Variants in PLAGL1 observed in about 807,000 individuals in gnomAD.
PLAGL1 encodes the protein PLAG1 like zinc finger 1.
In PLAGL1, 1 loss-of-function variant was observed where a neutral mutation model predicts 4.6. That is an observed-to-expected ratio of 0.22 (90% CI 0.08 to 1.03). The LOEUF (loss-of-function observed/expected upper bound fraction) is 1.03, where lower values mean the gene tolerates loss of function less well. PLAGL1 is among the 50% of genes least tolerant of loss of function. PLAGL1 has a pLI of 0.58. For missense variants in PLAGL1, 464 were observed against 570.4 expected (o/e 0.81, Z 1.90); for synonymous variants, 240 against 237.8 (o/e 1.01, Z -0.08).
Position 143,968,999 on chromosome 6 carries a change from A to G in PLAGL1, c.-543-21T>C, listed in dbSNP as rs1022779676. The G allele has an allele frequency of 1.7e-4, 26 of 149,608 alleles. No homozygotes were observed. Among genetic ancestry groups the G allele is most frequent in the African/African-American group, 6.4e-4 (25 of 38,966 alleles). The allele number at this position is 149,608 out of a possible 1,614,324, so 9.3% of individuals were successfully genotyped here. A position where few individuals can be genotyped will look rare whatever the true frequency, so the allele number is the denominator to read the frequency against. ...CAATCCTAAAGGAAAAACAATATCA[A>G]AAGTTTAAAAAAAAAAAAAGCATCA... is the stretch of plus-strand genomic sequence containing the variant. On this transcript the variant is annotated intron_variant, in intron 2 of 7. Coordinates refer to ENST00000674357, the MANE Select transcript of PLAGL1 (RefSeq NM_001317162.2). The surrounding 1 kb of genome is among the most constrained non-coding windows in gnomAD (Gnocchi z 6.3).
chr6:143,941,669 G>T lies in PLAGL1; in HGVS notation c.1147C>A (p.Leu383Met), dbSNP rs764612601. The T allele has an allele frequency of 4.3e-6, 7 of 1,614,082 alleles. No homozygotes were observed. The highest frequency in any genetic ancestry group is 5.9e-6 in the Non-Finnish European group (7 of 1,180,012). ...TIPASLDLSP[L>M]LGFWQLPPPA... The stretch of plus-strand genomic sequence containing the variant: ...GGGGGCAGCTGCCAGAAGCCCAACA[G>T]GGGGGACAGGTCCAGAGAGGCAGGT... The change falls in exon 8 of 8, where the codon CTG becomes ATG. Residue 383 changes from leucine to methionine, a missense_variant. Transcript: ENST00000674357. The surrounding 1 kb of genome is among the most constrained non-coding windows in gnomAD (Gnocchi z 6.0).
chr6:144,003,734 T>C (rs1374562189), intron 1 of PLAGL1, among the ~76,000 whole-genome samples: 2 of 152,016 alleles, frequency 1.3e-5, no homozygotes, highest in Non-Finnish European at 2.9e-5. Context: ...CTAAAAATCA[T>C]TAACAAAAAG....
intron 1 of PLAGL1, among the ~76,000 whole-genome samples, chr6:144,021,141 G>C (rs1270436276): frequency 2.0e-5 from 3 of 151,914 alleles, no homozygotes; most frequent in African/African-American, 7.3e-5. Flanking sequence ...GCATAATGTA[G>C]AGCACAGAAA....
intron 1 of PLAGL1, among the ~76,000 whole-genome samples, chr6:144,058,951 G>T (rs2128730589): frequency 6.6e-6 from 1 of 152,308 alleles, no homozygotes; most frequent in East Asian, 1.9e-4. Context: ...GGTCTGGAGG[G>T]TGGTGGCCCC....
intron 3 of PLAGL1, chr6:143,967,109 GT>G (rs1784557226): frequency 6.6e-6 from 1 of 152,190 alleles, no homozygotes; most frequent in Non-Finnish European, 1.5e-5. Flanking sequence ...ATGGGTCTAA[GT>G]TCGAATGCTG....
At position 144,015,839 on chromosome 6, in the gene PLAGL1, A is replaced by G. The variant is rs527422360; in HGVS notation, c.-150-46861T>C. ...GTTTGAAAGTTTCTTATAAAGTTAA[A>G]CATACTCTTATTATATGACCCAGCA... On this transcript the variant is annotated intron_variant, in intron 1 of 3. Coordinates refer to the PLAGL1 transcript ENST00000437412. The surrounding 1 kb of genome is among the most constrained non-coding windows in gnomAD (Gnocchi z 4.3). Among the ~76,000 whole-genome samples the G allele has an allele frequency of 6.6e-6, 1 of 152,346 alleles. No homozygotes were observed. Among genetic ancestry groups the G allele is most frequent in the South Asian group, 2.1e-4 (1 of 4,832 alleles).
At position 143,973,852 on chromosome 6, in the gene PLAGL1, C is replaced by A. The variant is rs138015930; in HGVS notation, c.-543-4874G>T. Among the ~76,000 whole-genome samples, 1 of 152,116 alleles carries A rather than the reference C, an allele frequency of 6.6e-6. No individual in the cohort carries two copies. Among genetic ancestry groups the A allele is most frequent in the Non-Finnish European group, 1.5e-5 (1 of 68,032 alleles). ...CCAGAGCTGCAGTTTCTAGGGTTAC[C>A]CTAAGGGGTGATCTCCAGAGAAAGC... On this transcript the variant is annotated intron_variant, in intron 2 of 7. Transcript: ENST00000674357. The surrounding 1 kb of genome is among the most constrained non-coding windows in gnomAD (Gnocchi z 6.2).
upstream of PLAGL1, among the ~76,000 whole-genome samples, chr6:144,011,372 G>A (rs569977301): frequency 6.6e-6 from 1 of 152,312 alleles, no homozygotes; most frequent in African/African-American, 2.4e-5. This position sits in a 1 kb window ranked among gnomAD's most constrained non-coding sequence, Gnocchi z 4.3. Context: ...CTGGTCATTA[G>A]AGAAATGCTT....
rs1485588823 is a variant in PLAGL1, at chr6:143,963,519, T to A, written c.-399+1268A>T. 6.6e-6 allele frequency among the ~76,000 whole-genome samples: 1 copy of A among 152,186 alleles called. No homozygotes were observed. The highest frequency in any genetic ancestry group is 1.5e-5 in the Non-Finnish European group (1 of 68,026). ...TTACCTAATACCTTCAACAACCGCA[T>A]GAGTAGGTAGCATTAACCCTATTTG... On this transcript the variant is annotated intron_variant, in intron 5 of 7. Coordinates refer to ENST00000674357, the MANE Select transcript of PLAGL1 (RefSeq NM_001317162.2). The surrounding 1 kb of genome is among the most constrained non-coding windows in gnomAD (Gnocchi z 6.1).
upstream of PLAGL1, among the ~76,000 whole-genome samples, chr6:144,011,905 A>G (rs895911424): frequency 2.0e-5 from 3 of 152,216 alleles, no homozygotes; most frequent in Admixed American, 6.5e-5. The surrounding 1 kb of genome is among the most constrained non-coding windows in gnomAD (Gnocchi z 4.3). Flanking sequence ...GCCTCTGGCA[A>G]GATCCAACAG....
rs1038727230 is a variant in PLAGL1, at chr6:143,984,170, G to A, written c.-544+965C>T. ...ACTGTCCTTTTATGGTCCAACTTGC[G>A]TTCTGCTCAAATGTCCTTCTTCTCT... On this transcript the variant is annotated intron_variant, in intron 2 of 7. Transcript: ENST00000674357. The surrounding 1 kb of genome is among the most constrained non-coding windows in gnomAD (Gnocchi z 5.5). 6.6e-6 allele frequency among the ~76,000 whole-genome samples: 1 copy of A among 152,098 alleles called. No homozygotes were observed. Among genetic ancestry groups the A allele is most frequent in the African/African-American group, 2.4e-5 (1 of 41,400 alleles).
chr6:143,943,228 A>C (rs1356207404), intron 7 of PLAGL1, among the ~76,000 whole-genome samples: 1 of 151,844 alleles, frequency 6.6e-6, no homozygotes, highest in African/African-American at 2.4e-5. Context: ...GTATGCAAGT[A>C]CTTAAAAATA....
Position 143,978,182 on chromosome 6 carries a change from C to T in PLAGL1, c.-544+6953G>A, listed in dbSNP as rs1029635288. 2.0e-5 allele frequency among the ~76,000 whole-genome samples: 3 copies of T among 151,968 alleles called. No homozygotes were observed. Among genetic ancestry groups the T allele is most frequent in the East Asian group, 1.9e-4 (1 of 5,192 alleles). ...TCCTGTTTTCAACTTTGTTGATTTC[C>T]GCTCTAATTTTCAGTATTTACTTTC... On this transcript the variant is annotated intron_variant, in intron 2 of 7. Transcript: ENST00000674357. The surrounding 1 kb of genome is among the most constrained non-coding windows in gnomAD (Gnocchi z 4.6).
chr6:144,028,802 A>G (rs1796566433), intron 1 of PLAGL1, among the ~76,000 whole-genome samples: 1 of 152,176 alleles, frequency 6.6e-6, no homozygotes, highest in African/African-American at 2.4e-5. Context: ...GGACTACAAT[A>G]TCATCCATGA....
intron 1 of PLAGL1, among the ~76,000 whole-genome samples, chr6:144,052,387 T>C (rs543033834): frequency 1.3e-5 from 2 of 152,344 alleles, no homozygotes; most frequent in East Asian, 3.9e-4. Flanking sequence ...AATAGAGCAC[T>C]GAATTTAAAA....
rs1782013333 is a variant in PLAGL1 at position 143,955,871 on chromosome 6, G to A, written c.-325+4598C>T. ...AGGTTCCAGTGACACTCTGTAAACA[G>A]AATAACTGGATTAGGACTGAGGTTA... On this transcript the variant is annotated intron_variant, in intron 6 of 7. Coordinates refer to ENST00000674357, the MANE Select transcript of PLAGL1 (RefSeq NM_001317162.2). The surrounding 1 kb of genome is among the most constrained non-coding windows in gnomAD (Gnocchi z 4.9). 6.6e-6 allele frequency among the ~76,000 whole-genome samples: 1 copy of A among 152,168 alleles called. No homozygotes were observed. The highest frequency in any genetic ancestry group is 2.4e-5 in the African/African-American group (1 of 41,448).
In PLAGL1 at chr6:143,958,222, C is replaced by T. The variant is rs1333055499; in HGVS notation, c.-325+2247G>A. 2.0e-5 allele frequency among the ~76,000 whole-genome samples: 3 copies of T among 152,192 alleles called. No individual in the cohort carries two copies. Among genetic ancestry groups the T allele is most frequent in the Admixed American group, 6.5e-5 (1 of 15,282 alleles). On this transcript the variant is annotated intron_variant, in intron 6 of 7. Coordinates refer to ENST00000674357, the MANE Select transcript of PLAGL1 (RefSeq NM_001317162.2). This position sits in a 1 kb window ranked among gnomAD's most constrained non-coding sequence, Gnocchi z 5.1. ...ATGAATTGCAGAGAGGAAAAAGTTA[C>T]ATATAATCACTTATCCCTCCCCCAT... is the stretch of plus-strand genomic sequence containing the variant.
chr6:143,981,605 C>T (rs1372166684), intron 2 of PLAGL1, among the ~76,000 whole-genome samples: 1 of 152,126 alleles, frequency 6.6e-6, no homozygotes, highest in East Asian at 1.9e-4. Flanking sequence ...TCTCGTGCCA[C>T]TTGTCCAATG....
intron 1 of PLAGL1, among the ~76,000 whole-genome samples, chr6:144,035,324 G>A (rs1299140134): frequency 6.6e-6 from 1 of 152,136 alleles, no homozygotes; most frequent in East Asian, 1.9e-4. Flanking sequence ...ATGGCCAAAG[G>A]CCCGAGAGCC....
Sources: gnomAD v4.1 joint callset for allele counts (sites outside exome capture counted in the v4.1 genomes callset) on GRCh38, gnomAD v4.1.1 for gene constraint, Gnocchi (gnomAD v3.1) non-coding constraint, MANE v1.5 for transcripts, NCBI Gene and HGNC (gene_info 2026-07-23, HGNC 2026-07-21) for gene names.